PDE11A: variants seen among roughly 807,000 people sequenced by gnomAD.
PDE11A encodes dual 3',5'-cyclic-AMP and -GMP phosphodiesterase 11A.
Under a neutral mutation model 100.5 loss-of-function variants are expected in PDE11A, and 100 were observed. That is an observed-to-expected ratio of 1.00 (90% CI 0.85 to 1.18). PDE11A has a LOEUF of 1.18. Among genes scored for constraint, PDE11A ranks in the 50% most tolerant of loss-of-function variants. The pLI is 0.00. For synonymous variants in PDE11A, 381 were observed against 420.8 expected (o/e 0.91, Z 1.16); for missense variants, 1,141 against 1,152.6 (o/e 0.99, Z 0.15).
chr2:178,032,503 T>A (rs1377729398), intron 1 of PDE11A, among the ~76,000 whole-genome samples: 2 of 148,526 alleles, frequency 1.3e-5, no homozygotes, highest in Admixed American at 1.3e-4. Context: ...AAAAAAGGAC[T>A]TGGGTTTTCC....
intron 6 of PDE11A, among the ~76,000 whole-genome samples, chr2:177,834,373 G>A (rs943559898): frequency 6.6e-6 from 1 of 152,174 alleles, no homozygotes; most frequent in African/African-American, 2.4e-5. Flanking sequence ...CTCAGGCATT[G>A]GAAATGTCGG....
At chr2:178,016,450 A>G (rs2086339245) in intron 1 of PDE11A, among the ~76,000 whole-genome samples, 1 of 152,146 alleles carries the variant, frequency 6.6e-6, no homozygotes, top group Non-Finnish European at 1.5e-5. Context: ...TCAGAAAATC[A>G]GCAATCTGTA....
At chr2:177,799,061 C>T (rs909710071) in intron 9 of PDE11A, among the ~76,000 whole-genome samples, 1 of 152,108 alleles carries the variant, frequency 6.6e-6, no homozygotes, top group Non-Finnish European at 1.5e-5. Context: ...GCCTTCCTCC[C>T]CCAAACCCAT....
At chr2:177,671,776 C>G (rs574878113) in intron 17 of PDE11A, among the ~76,000 whole-genome samples, 4 of 152,128 alleles carry the variant, frequency 2.6e-5, no homozygotes, top group African/African-American at 7.2e-5. Context: ...CACTAGTGAC[C>G]GAGAAGACCA....
At chr2:177,889,642 A>G (rs1172227106) in intron 4 of PDE11A, among the ~76,000 whole-genome samples, 2 of 150,608 alleles carry the variant, frequency 1.3e-5, no homozygotes, top group African/African-American at 4.9e-5. Flanking sequence ...TGTGCCTAAA[A>G]GTATTTTAGA....
intron 5 of PDE11A, among the ~76,000 whole-genome samples, chr2:177,853,663 T>TGC: frequency 6.2e-5 from 2 of 32,440 alleles, no homozygotes; most frequent in Non-Finnish European, 1.2e-4. Flanking sequence ...TATATATATA[T>TGC]ATATATATAT....
intron 2 of PDE11A, among the ~76,000 whole-genome samples, chr2:177,949,407 A>G (rs1436617246): frequency 6.6e-6 from 1 of 152,188 alleles, no homozygotes; most frequent in Non-Finnish European, 1.5e-5. Flanking sequence ...CCATCCAGAG[A>G]TAGCCTTTCT....
intron 1 of PDE11A, among the ~76,000 whole-genome samples, chr2:178,106,566 C>T (rs1256399084): frequency 1.3e-5 from 2 of 152,122 alleles, no homozygotes; most frequent in Non-Finnish European, 2.9e-5. Context: ...TTGGCCTTTT[C>T]ACAAAATACA....
At chr2:177,822,049 A>C (rs1183973989) in intron 6 of PDE11A, among the ~76,000 whole-genome samples, 1 of 151,528 alleles carries the variant, frequency 6.6e-6, no homozygotes, top group Non-Finnish European at 1.5e-5. Context: ...TTGTTTTTCC[A>C]CTCTTTTAAT....
At chr2:178,052,547 A>T (rs1272043336) in intron 1 of PDE11A, among the ~76,000 whole-genome samples, 1 of 152,248 alleles carries the variant, frequency 6.6e-6, no homozygotes, top group African/African-American at 2.4e-5. Context: ...GACACAAAAA[A>T]CCCTTCAAAA....
intron 6 of PDE11A, among the ~76,000 whole-genome samples, chr2:177,836,579 T>C (rs1231441985): frequency 1.3e-5 from 2 of 152,192 alleles, no homozygotes; most frequent in Non-Finnish European, 2.9e-5. Context: ...GAGCCAACAG[T>C]GGCAACCCGC....
At chr2:177,753,433 T>G (rs896467015) in intron 10 of PDE11A, among the ~76,000 whole-genome samples, 3 of 152,162 alleles carry the variant, frequency 2.0e-5, no homozygotes, top group East Asian at 3.9e-4. Flanking sequence ...CAGGTCCACA[T>G]GAAGGAGAAA....
At chr2:177,668,235 T>C (rs1163923513) in intron 18 of PDE11A, among the ~76,000 whole-genome samples, 1 of 152,178 alleles carries the variant, frequency 6.6e-6, no homozygotes, top group Non-Finnish European at 1.5e-5. Flanking sequence ...TTTACTCATA[T>C]TTTTTTCATT....
In PDE11A at chr2:178,071,893, AGATTCACTCTC is replaced by A. The variant is rs1161781118; in HGVS notation, c.534_544del (p.Arg179AlafsTer18). ...GATGGCTGTAGGGGGATACCGAGGC[AGATTCACTCTC>A]GATTCCAGCAGCGCACTGAGAATAT... On this transcript the variant is annotated frameshift_variant, in exon 1 of 20. Coordinates refer to ENST00000286063, the MANE Select transcript of PDE11A (RefSeq NM_016953.4). LOFTEE classifies it high-confidence loss of function. The A allele has an allele frequency of 6.2e-7, 1 of 1,613,662 alleles. No homozygotes were observed. Among genetic ancestry groups the A allele is most frequent in the East Asian group, 2.2e-5 (1 of 44,886 alleles).
intron 13 of PDE11A, among the ~76,000 whole-genome samples, chr2:177,706,378 G>C (rs1250446957): frequency 6.6e-6 from 1 of 152,162 alleles, no homozygotes; most frequent in African/African-American, 2.4e-5. Flanking sequence ...GAGAAGGGAT[G>C]TTTGCTATAT....
intron 2 of PDE11A, among the ~76,000 whole-genome samples, chr2:177,996,198 G>A: frequency 6.6e-6 from 1 of 150,928 alleles, no homozygotes; most frequent in East Asian, 2.0e-4. Flanking sequence ...CTGCACTCCA[G>A]TGTGGGCAAC....
At chr2:178,106,334 T>C (rs1574401665) in intron 1 of PDE11A, among the ~76,000 whole-genome samples, 2 of 152,196 alleles carry the variant, frequency 1.3e-5, no homozygotes, top group African/African-American at 4.8e-5. Context: ...CTTTAGGCAG[T>C]ATCCAAAAAC....
At chr2:177,853,927 T>C (rs1349825744) in intron 5 of PDE11A, among the ~76,000 whole-genome samples, 3 of 147,510 alleles carry the variant, frequency 2.0e-5, no homozygotes, top group African/African-American at 7.5e-5. Flanking sequence ...TATATATGTA[T>C]ATATATGTGT....
intron 19 of PDE11A, among the ~76,000 whole-genome samples, chr2:177,659,345 C>A (rs1358731232): frequency 6.6e-6 from 1 of 151,742 alleles, no homozygotes; most frequent in Non-Finnish European, 1.5e-5. Context: ...AGCAGCCCTG[C>A]CTGCTTCAGA....
Sources: gnomAD v4.1 joint callset for allele counts (sites outside exome capture counted in the v4.1 genomes callset) on GRCh38, gnomAD v4.1.1 for gene constraint, MANE v1.5 for transcripts, NCBI Gene and HGNC (gene_info 2026-07-23, HGNC 2026-07-21) for gene names.